Variants in FAM186A observed in about 807,000 individuals in gnomAD.
FAM186A encodes family with sequence similarity 186 member A.
FAM186A carries 163 observed loss-of-function variants against 216.8 expected under a neutral mutation model. The ratio of observed to expected loss-of-function variants is 0.75; its 90% CI spans 0.66 to 0.86. The LOEUF is 0.86. Among genes scored for constraint, FAM186A ranks in the 40% least tolerant of loss-of-function variants. The probability of loss-of-function intolerance (pLI) is 0.00; values close to 1 mark genes in which losing one functional copy is unlikely to be tolerated. For synonymous variants in FAM186A, 805 were observed against 1,025.3 expected (o/e 0.79, Z 4.10); for missense variants, 2,184 against 2,746.2 (o/e 0.80, Z 4.58).
intron 1 of FAM186A, among the ~76,000 whole-genome samples, chr12:50,378,598 T>C (rs1222227171): frequency 3.0e-5 from 1 of 33,138 alleles, no homozygotes; most frequent in African/African-American, 9.7e-5. Context: ...TGTATATATA[T>C]ATATACACAT....
Position 50,354,903 on chromosome 12 carries a change from G to C in FAM186A, c.1929C>G (p.Leu643=). ...QVKSHQLVKS[L]SRVAKETSES... is the part of the protein sequence containing the mutation. ...CTGAAGTCTCTTTAGCCACTCTTGA[G>C]AGTGATTTAACAAGTTGATGAGACT... The change falls in exon 4 of 8, where the codon CTC becomes CTG. Residue 643 remains leucine (L), a synonymous_variant. Transcript: ENST00000327337. The C allele has an allele frequency of 6.4e-7, 1 of 1,550,658 alleles. No individual in the cohort carries two copies. The highest frequency in any genetic ancestry group is 8.7e-7 in the Non-Finnish European group (1 of 1,146,866).
intron 1 of FAM186A, chr12:50,365,842 G>T (rs1245242315): frequency 3.9e-6 from 3 of 761,754 alleles, no homozygotes; most frequent in Non-Finnish European, 7.2e-6. Flanking sequence ...CACCATAAAG[G>T]TCAGCAAATT....
At chr12:50,347,371 A>T (rs1268605989) in intron 4 of FAM186A, among the ~76,000 whole-genome samples, 1 of 152,096 alleles carries the variant, frequency 6.6e-6, no homozygotes, top group Non-Finnish European at 1.5e-5. Context: ...GACCTCAAAG[A>T]CTCAGCATCA....
In FAM186A at chr12:50,355,622, T is replaced by A. The variant is rs541872085; in HGVS notation, c.1210A>T (p.Thr404Ser). 7.7e-6 allele frequency: 12 copies of A among 1,551,634 alleles called. 1 individual carries two copies. The South Asian group carries it at 1.2e-4, about 15-fold the overall frequency. The change falls in exon 4 of 8, where the codon ACT (threonine) becomes TCT (serine). Residue 404 changes from threonine (T) to serine (S), a missense_variant. By Grantham distance (58) the Thr-to-Ser change is moderately conservative. Around this residue, in one of 7 missense-constraint regions of FAM186A, gnomAD observed 1,132 missense variants for 1,263.4 expected, o/e 0.90. Transcript: ENST00000327337. ...TCAGCTTGGGCTGTATATGAAATAG[T>A]GGAGTCCCATTTTATCCCAGAGTCC... The part of the protein sequence containing the change: ...TKDSGIKWDS[T>S]ISYTAQAERT...
chr12:50,387,119 A>ATCTACC (rs1943311940), intron 1 of FAM186A, among the ~76,000 whole-genome samples: 1 of 152,144 alleles, frequency 6.6e-6, no homozygotes, highest in African/African-American at 2.4e-5. Flanking sequence ...TTCAGACACC[A>ATCTACC]TCTACCTAGA....
At chr12:50,334,663 A>G (rs895485568) in intron 4 of FAM186A, among the ~76,000 whole-genome samples, 8 of 151,928 alleles carry the variant, frequency 5.3e-5, no homozygotes, top group Admixed American at 2.0e-4. Flanking sequence ...TTTTTAGTAG[A>G]GATGGGGTTT....
At chr12:50,365,431 T>C (rs1276468702) in intron 1 of FAM186A, among the ~76,000 whole-genome samples, 1 of 152,184 alleles carries the variant, frequency 6.6e-6, no homozygotes, top group Non-Finnish European at 1.5e-5. Context: ...AGTTTATCTG[T>C]GAATATCATT....
At chr12:50,360,714 A>T (rs1386129885) in intron 3 of FAM186A, 42 bp downstream of exon 3, 29 of 1,462,486 alleles carry the variant, frequency 2.0e-5, no homozygotes, top group Non-Finnish European at 2.6e-5. Context: ...GAAAAAGTCA[A>T]ACTCCATCTA....
At chr12:50,385,988 T>G (rs1394458874) in intron 1 of FAM186A, among the ~76,000 whole-genome samples, 2 of 151,954 alleles carry the variant, frequency 1.3e-5, no homozygotes, top group Non-Finnish European at 1.5e-5. Context: ...ATTGTGGAGA[T>G]GTTAGTCAAA....
chr12:50,335,271 A>G (rs1942696360), intron 4 of FAM186A, among the ~76,000 whole-genome samples: 1 of 152,182 alleles, frequency 6.6e-6, no homozygotes, highest in Non-Finnish European at 1.5e-5. Flanking sequence ...AAAATTAGTT[A>G]AATGTGGCTA....
Position 50,391,774 on chromosome 12 carries a change from T to C in FAM186A, c.192+4519A>G, listed in dbSNP as rs536133374. On this transcript the variant is annotated intron_variant, in intron 1 of 7. Transcript: ENST00000327337. ...GCATGGGCAACTGCAGCTGGCCTAGTAGTTTATTTTTTAAAATGAACATTT... is the reference window on the plus strand; with the variant it reads ...GCATGGGCAACTGCAGCTGGCCTAGCAGTTTATTTTTTAAAATGAACATTT... Among the ~76,000 whole-genome samples the C allele has an allele frequency of 2.0e-5, 3 of 152,266 alleles. No homozygotes were observed. The East Asian group carries it at 5.8e-4, about 29-fold the overall frequency.
intron 1 of FAM186A, among the ~76,000 whole-genome samples, chr12:50,367,391 G>A (rs958564280): frequency 6.6e-6 from 1 of 151,792 alleles, no homozygotes; most frequent in African/African-American, 2.4e-5. Flanking sequence ...GGTGGCAGGT[G>A]CCTGTAGTCC....
At chr12:50,394,344 A>G (rs1331760043) in intron 1 of FAM186A, among the ~76,000 whole-genome samples, 1 of 152,008 alleles carries the variant, frequency 6.6e-6, no homozygotes, top group Non-Finnish European at 1.5e-5. Context: ...CAAGGTCAGG[A>G]GATCAAGACC....
chr12:50,351,261 A>G lies in FAM186A; in HGVS notation c.5571T>C (p.Ser1857=), dbSNP rs1264674998. The G allele has an allele frequency of 4.5e-6, 7 of 1,550,630 alleles. No individual in the cohort carries two copies. Among genetic ancestry groups the G allele is most frequent in the Non-Finnish European group, 5.2e-6 (6 of 1,146,648 alleles). The change falls in exon 4 of 8, where the codon TCT becomes TCC. Residue 1857 remains serine (S), a synonymous_variant. Coordinates refer to ENST00000327337, the MANE Select transcript of FAM186A (RefSeq NM_001145475.3). ...CTTCAGGAACTAAGGGCTGCCCAGG[A>G]GAAAGAGGAGCCCAGAGACTTGGAA... The part of the protein sequence containing the change: ...GQIPSLWAPL[S]PGQPLVPEAS...
intron 5 of FAM186A, among the ~76,000 whole-genome samples, chr12:50,332,728 T>A (rs1942667530): frequency 6.6e-6 from 1 of 152,080 alleles, no homozygotes; most frequent in Admixed American, 6.6e-5. Flanking sequence ...GCTGTAATAT[T>A]TAAAATATAA....
At position 50,354,770 on chromosome 12, in the gene FAM186A, C is replaced by T. The variant is rs1185690709; in HGVS notation, c.2062G>A (p.Gly688Arg). 6.5e-7 allele frequency: 1 copy of T among 1,536,400 alleles called. No homozygotes were observed. Among genetic ancestry groups the T allele is most frequent in the Non-Finnish European group, 8.7e-7 (1 of 1,143,660 alleles). The change falls in exon 4 of 8, where the codon GGA becomes AGA. Residue 688 changes from glycine to arginine, a missense_variant. By Grantham distance (125) the Gly-to-Arg change is moderately radical. Transcript: ENST00000327337. ...ACAGTCTTTTTGTCAAAAGCCTTTC[C>T]TATGTTATCAATTTTCTGTTTTAGG... ...AFLKQKIDNI[G>R]KAFDKKTVPK... is the part of the protein sequence containing the mutation.
Position 50,389,159 on chromosome 12 carries a change from A to C in FAM186A, c.192+7134T>G, listed in dbSNP as rs1327853994. ...GATGGGAGGAACACTTGACTTCAAG[A>C]GTTAAAGACTAGCTTGAGCACAATA... On this transcript the variant is annotated intron_variant, in intron 1 of 7. Transcript: ENST00000327337. 1.3e-5 allele frequency among the ~76,000 whole-genome samples: 2 copies of C among 152,128 alleles called. 1 individual carries two copies. Among genetic ancestry groups the C allele is most frequent in the Non-Finnish European group, 2.9e-5 (2 of 68,040 alleles).
At chr12:50,330,099 G>T (rs1227143724) in intron 7 of FAM186A, among the ~76,000 whole-genome samples, 1 of 152,172 alleles carries the variant, frequency 6.6e-6, no homozygotes, top group Non-Finnish European at 1.5e-5. Context: ...TGAGAATCTG[G>T]TTCAACAGAT....
chr12:50,389,681 C>A (rs185837026), intron 1 of FAM186A, among the ~76,000 whole-genome samples: 3 of 152,214 alleles, frequency 2.0e-5, no homozygotes, highest in Non-Finnish European at 4.4e-5. Context: ...CAGATCATAG[C>A]GGCATACCAG....
Sources: allele counts gnomAD v4.1 joint callset (sites outside exome capture counted in the v4.1 genomes callset), GRCh38; gene constraint gnomAD v4.1.1; regional missense constraint gnomAD v4.1.1; transcripts MANE v1.5; gene names NCBI Gene and HGNC (gene_info 2026-07-23, HGNC 2026-07-21).